The following SLC26A4 variants were observed in gnomAD, a reference collection of about 807,000 sequenced individuals.
The protein encoded by SLC26A4 is pendrin.
SLC26A4 carries 93 observed loss-of-function variants against 90.4 expected under a neutral mutation model. That is an observed-to-expected ratio of 1.03 (90% CI 0.87 to 1.22). The LOEUF (loss-of-function observed/expected upper bound fraction) is 1.22, where lower values mean the gene tolerates loss of function less well. SLC26A4 is among the 50% of genes most tolerant of loss of function. SLC26A4 has a pLI of 0.00. For synonymous variants in SLC26A4, 393 were observed against 354.6 expected (o/e 1.11, Z -1.22); for missense variants, 1,127 against 946.2 (o/e 1.19, Z -2.51).
intron 18 of SLC26A4, among the ~76,000 whole-genome samples, chr7:107,709,093 T>A (rs1792111411): frequency 6.6e-6 from 1 of 152,168 alleles, no homozygotes; most frequent in East Asian, 1.9e-4. Flanking sequence ...AAGAAGCTGA[T>A]CAAAGACATG....
rs1326081794 is a variant in SLC26A4 at position 107,661,859 on chromosome 7, T to TG, written c.164+58dup. On this transcript the variant is annotated intron_variant, in intron 2 of 20. Transcript: ENST00000644269. This position sits in a 1 kb window ranked among gnomAD's most constrained non-coding sequence, Gnocchi z 5.1. ...GAAGCGGAGCGGGGCGTCCACGCCT[T>TG]GGGGAGGGAAGGGCGTCCCCAGCGG... The TG allele has an allele frequency of 6.6e-7, 1 of 1,509,554 alleles. No homozygotes were observed. The highest frequency in any genetic ancestry group is 8.9e-7 in the Non-Finnish European group (1 of 1,129,220). 93.5% of individuals were successfully genotyped at this position (1,509,554 alleles called of 1,614,324 possible). A position where few individuals can be genotyped will look rare whatever the true frequency, so the allele number is the denominator to read the frequency against.
Position 107,698,074 on chromosome 7 carries a change from G to A in SLC26A4, c.1577G>A (p.Ser526Asn), listed in dbSNP as rs758243790. 1 of 1,610,676 alleles carries A rather than the reference G, an allele frequency of 6.2e-7. No individual in the cohort carries two copies. The highest frequency in any genetic ancestry group is 1.7e-5 in the Admixed American group (1 of 59,988). ...PSWNGLGSIP[S>N]TDIYKSTKNY... ...TGGAATGGCCTTGGAAGCATCCCTAGCACAGATATCTACAAAAGTACCAAG... is the reference window on the plus strand; with the variant it reads ...TGGAATGGCCTTGGAAGCATCCCTAACACAGATATCTACAAAAGTACCAAG... Residue 526 changes from serine (S) to asparagine (N), a missense_variant, in exon 14 of 21, where the codon AGC becomes AAC. Coordinates refer to ENST00000644269, the MANE Select transcript of SLC26A4 (RefSeq NM_000441.2).
chr7:107,709,408 G>C (rs527632367), intron 18 of SLC26A4, among the ~76,000 whole-genome samples: 1 of 152,274 alleles, frequency 6.6e-6, no homozygotes, highest in South Asian at 2.1e-4. Context: ...GAGTAGCTGA[G>C]ACTATAGGTG....
In SLC26A4 at chr7:107,663,339, C is replaced by T. The variant is rs1030207622; in HGVS notation, c.208C>T (p.Pro70Ser). The T allele has an allele frequency of 1.2e-6, 2 of 1,614,084 alleles. No homozygotes were observed. The highest frequency in any genetic ancestry group is 8.5e-7 in the Non-Finnish European group (1 of 1,179,982). Residue 70 changes from proline to serine, a missense_variant, in exon 3 of 21, where the codon CCC (proline) becomes TCC (serine). By Grantham distance (74) the Pro-to-Ser change is moderately conservative. Coordinates refer to ENST00000644269, the MANE Select transcript of SLC26A4 (RefSeq NM_000441.2). ...RAFGVLKTLV[P>S]ILEWLPKYRV... ...CTTTGGTGTGCTAAAGACTCTTGTG[C>T]CCATCTTGGAGTGGCTCCCCAAATA...
chr7:107,693,195 T>C, intron 10 of SLC26A4: 1 of 532,250 alleles, frequency 1.9e-6, no homozygotes, highest in Non-Finnish European at 2.4e-6. Flanking sequence ...GGGAGGGAAG[T>C]AGGATATCAG....
intron 6 of SLC26A4, among the ~76,000 whole-genome samples, chr7:107,680,465 A>T (rs934489221): frequency 6.9e-6 from 1 of 145,534 alleles, no homozygotes; most frequent in African/African-American, 2.5e-5. Context: ...TACATAATAT[A>T]TAAGTATAAT....
Position 107,674,191 on chromosome 7 carries a change from T to A in SLC26A4, c.443T>A (p.Val148Glu). Residue 148 changes from valine (V) to glutamate (E), a missense_variant, in exon 5 of 21, where the codon GTG becomes GAG. Physicochemically the swap from Val to Glu is moderately radical, Grantham distance 121. Transcript: ENST00000644269. The stretch of plus-strand genomic sequence containing the variant: ...CCTTTTCCAGTGGTGAGTTTAATGG[T>A]GGGATCTGTTGTTCTGAGCATGGCC... Reference protein sequence around the residue: ...VGPFPVVSLMVGSVVLSMAPD... With the variant: ...VGPFPVVSLMEGSVVLSMAPD... The A allele has an allele frequency of 6.2e-7, 1 of 1,614,166 alleles. No homozygotes were observed. The highest frequency in any genetic ancestry group is 1.1e-5 in the South Asian group (1 of 91,082).
chr7:107,663,362 AT>A lies in SLC26A4; in HGVS notation c.232del (p.Tyr78ThrfsTer19). ...LVPILEWLPKYRVKEWLLSDV... is the reference protein window; with the variant it reads ...LVPILEWLPKXRVKEWLLSDV... ...TGCCCATCTTGGAGTGGCTCCCCAA[AT>A]ACCGAGTCAAGGAATGGCTGCTTAG... On this transcript the variant is annotated frameshift_variant, in exon 3 of 21. Coordinates refer to ENST00000644269, the MANE Select transcript of SLC26A4 (RefSeq NM_000441.2). LOFTEE classifies it high-confidence loss of function. 1 of 1,614,148 alleles carries A rather than the reference AT, an allele frequency of 6.2e-7. No homozygotes were observed. Among genetic ancestry groups the A allele is most frequent in the Non-Finnish European group, 8.5e-7 (1 of 1,179,996 alleles).
chr7:107,710,206 A>T lies in SLC26A4; in HGVS notation c.2235+7A>T. 1.3e-6 allele frequency: 2 copies of T among 1,575,278 alleles called. No homozygotes were observed. Among genetic ancestry groups the T allele is most frequent in the Non-Finnish European group, 1.7e-6 (2 of 1,144,736 alleles). On this transcript the variant is annotated splice_region_variant and intron_variant, in intron 19 of 20. Coordinates refer to ENST00000644269, the MANE Select transcript of SLC26A4 (RefSeq NM_000441.2). ...AGGTTCCATTTTAGAAACGGTAAAT[A>T]TTCAACCTTTCTACAGATGTATCTT...
chr7:107,684,705 T>C (rs1185518373), intron 8 of SLC26A4, among the ~76,000 whole-genome samples: 6 of 152,132 alleles, frequency 3.9e-5, no homozygotes, highest in Non-Finnish European at 7.4e-5. Context: ...GGCTCAGGAA[T>C]TAATATTTTT....
chr7:107,703,424 T>C (rs529498174), intron 17 of SLC26A4, among the ~76,000 whole-genome samples: 1 of 152,316 alleles, frequency 6.6e-6, no homozygotes, highest in South Asian at 2.1e-4. Flanking sequence ...AGAGAAGTGA[T>C]TGTGCTTGGC....
At chr7:107,682,445 G>T (rs1393624571) in intron 6 of SLC26A4, among the ~76,000 whole-genome samples, 1 of 151,882 alleles carries the variant, frequency 6.6e-6, no homozygotes, top group Non-Finnish European at 1.5e-5. Context: ...ACATGAAATT[G>T]TTTTAATTTA....
intron 3 of SLC26A4, among the ~76,000 whole-genome samples, chr7:107,665,470 C>G (rs1312215973): frequency 6.6e-6 from 1 of 152,254 alleles, no homozygotes; most frequent in South Asian, 2.1e-4. Context: ...CATGGTGACA[C>G]CCTGTGACTC....
intron 6 of SLC26A4, among the ~76,000 whole-genome samples, chr7:107,681,886 C>A (rs974446837): frequency 6.6e-6 from 1 of 151,716 alleles, no homozygotes; most frequent in Admixed American, 6.6e-5. Flanking sequence ...GAGTTCAAGA[C>A]CAGTCTGGGC....
In SLC26A4 at chr7:107,683,535, G is replaced by C. The variant is rs1410780452; in HGVS notation, c.999G>C (p.Arg333Ser). ...CTGGCATTGTTAAATCCATCCCAAG[G>C]GGGTGAGTGTGGTGTTCCTCTTAGT... ...YNAGIVKSIP[R>S]GFLPPELPPV... The change falls in exon 8 of 21, where the codon AGG becomes AGC. Residue 333 changes from arginine to serine, a missense_variant and splice_region_variant. Physicochemically the swap from Arg to Ser is moderately radical, Grantham distance 110. Transcript: ENST00000644269. 1 of 1,613,150 alleles carries C rather than the reference G, an allele frequency of 6.2e-7. No homozygotes were observed. The highest frequency in any genetic ancestry group is 8.5e-7 in the Non-Finnish European group (1 of 1,179,406).
chr7:107,707,733 A>C (rs533316245), intron 18 of SLC26A4, among the ~76,000 whole-genome samples: 1 of 152,368 alleles, frequency 6.6e-6, no homozygotes, highest in Non-Finnish European at 1.5e-5. Context: ...ATCATTTCTT[A>C]TTTTAACAGT....
chr7:107,714,711 C>T (rs189576035), intron 20 of SLC26A4, among the ~76,000 whole-genome samples: 13 of 152,232 alleles, frequency 8.5e-5, no homozygotes, highest in African/African-American at 2.6e-4. Flanking sequence ...TAGAACAAGA[C>T]AGACCTGGGT....
Position 107,691,969 on chromosome 7 carries a change from C to T in SLC26A4, c.1263+1732C>T, listed in dbSNP as rs1332231740. On this transcript the variant is annotated intron_variant, in intron 10 of 20. Transcript: ENST00000644269. ...TCATTTGAGACGGAGCACTGACAAGCTCTCCAGAGCACATGGTCTTCAGCG... is the reference window on the plus strand; with the variant it reads ...TCATTTGAGACGGAGCACTGACAAGTTCTCCAGAGCACATGGTCTTCAGCG... 6.2e-6 allele frequency: 8 copies of T among 1,288,202 alleles called. No individual in the cohort carries two copies. The African/African-American group carries it at 1.2e-4, about 20-fold the overall frequency. 79.8% of individuals were successfully genotyped at this position (1,288,202 alleles called of 1,614,324 possible).
chr7:107,673,107 T>G (rs921170975), intron 4 of SLC26A4, among the ~76,000 whole-genome samples: 1 of 152,190 alleles, frequency 6.6e-6, no homozygotes, highest in Non-Finnish European at 1.5e-5. Context: ...AGTGCTTGAC[T>G]AGATGAGGAA....
Sources: gnomAD v4.1 joint callset for allele counts (sites outside exome capture counted in the v4.1 genomes callset) on GRCh38, gnomAD v4.1.1 for gene constraint, Gnocchi (gnomAD v3.1) non-coding constraint, MANE v1.5 for transcripts, NCBI Gene and HGNC (gene_info 2026-07-23, HGNC 2026-07-21) for gene names.